Variants in CFAP91 observed in about 807,000 individuals in gnomAD.
The protein encoded by CFAP91 is cilia and flagella associated protein 91.
Under a neutral mutation model 95.9 loss-of-function variants are expected in CFAP91, and 85 were observed. That is an observed-to-expected ratio of 0.89 (90% CI 0.74 to 1.06). CFAP91 has a LOEUF of 1.06. Ranked by LOEUF, CFAP91 falls within the 50% of genes least tolerant of loss-of-function variation. The pLI, the probability that CFAP91 is intolerant of heterozygous loss-of-function variation, is 0.00. For missense variants in CFAP91, 962 were observed against 943.4 expected, an observed-to-expected ratio of 1.02 and a Z score of -0.26; for synonymous variants, 335 against 327.5, an observed-to-expected ratio of 1.02 and a Z score of -0.25.
At chr3:119,759,580 G>A (rs777612660) in intron 17 of CFAP91, among the ~76,000 whole-genome samples, 4 of 151,820 alleles carry the variant, frequency 2.6e-5, no homozygotes, top group Non-Finnish European at 5.9e-5. Context: ...GTAAGTACAC[G>A]GTCAAATTCA....
Position 119,726,170 on chromosome 3 carries a change from G to C in CFAP91, c.683-1G>C. ...CTAAGCTGTGCTGCTTTATCCTGCA[G>C]GTCGGGGTCTCCCAGCAGGACAAGC... On this transcript the variant is annotated splice_acceptor_variant, in intron 6 of 17. Transcript: ENST00000273390. LOFTEE classifies it high-confidence loss of function. 6.2e-7 allele frequency: 1 copy of C among 1,607,398 alleles called. No homozygotes were observed. Among genetic ancestry groups the C allele is most frequent in the Non-Finnish European group, 8.5e-7 (1 of 1,177,250 alleles).
chr3:119,715,714 A>ACCCT lies in CFAP91; in HGVS notation c.653_654insCCCT (p.Glu218AspfsTer21), dbSNP rs1234650698. On this transcript the variant is annotated frameshift_variant, in exon 6 of 18. Transcript: ENST00000273390. LOFTEE classifies it high-confidence loss of function. ...GTAGTATGTCAGGACTCAATCCCTG[A>ACCCT]GCTCTTGACCCTGGCTACGCTTACT... is the stretch of plus-strand genomic sequence containing the variant. 1 of 1,614,060 alleles carries ACCCT rather than the reference A, an allele frequency of 6.2e-7. No individual in the cohort carries two copies. Among genetic ancestry groups the ACCCT allele is most frequent in the East Asian group, 2.2e-5 (1 of 44,886 alleles).
At chr3:119,705,075 C>T (rs1006346795) in intron 1 of CFAP91, among the ~76,000 whole-genome samples, 5 of 152,228 alleles carry the variant, frequency 3.3e-5, no homozygotes, top group Admixed American at 3.3e-4. Context: ...TTAAGCAACA[C>T]ATCTCTATGC....
chr3:119,713,459 G>C (rs2053514087), intron 5 of CFAP91, among the ~76,000 whole-genome samples: 1 of 148,086 alleles, frequency 6.8e-6, no homozygotes, highest in Non-Finnish European at 1.5e-5. Flanking sequence ...TGTATTTGCT[G>C]TGCTCGTATA....
intron 17 of CFAP91, among the ~76,000 whole-genome samples, chr3:119,764,210 A>G (rs2107928806): frequency 6.6e-6 from 1 of 152,252 alleles, no homozygotes; most frequent in East Asian, 1.9e-4. Flanking sequence ...TCCAGTGTCT[A>G]CATATCAACT....
chr3:119,706,962 A>T, intron 2 of CFAP91, 77 bp downstream of exon 2: 1 of 1,096,974 alleles, frequency 9.1e-7, no homozygotes, highest in Non-Finnish European at 1.4e-6. Flanking sequence ...GATCAGATTG[A>T]CTAATCACCA....
At chr3:119,754,370 T>A (rs2054383411) in intron 17 of CFAP91, among the ~76,000 whole-genome samples, 1 of 152,162 alleles carries the variant, frequency 6.6e-6, no homozygotes, top group Non-Finnish European at 1.5e-5. Context: ...TGGCAAGAGA[T>A]GAATTGAAGA....
intron 17 of CFAP91, among the ~76,000 whole-genome samples, chr3:119,753,103 A>G (rs1299594236): frequency 1.3e-5 from 2 of 152,224 alleles, no homozygotes; most frequent in African/African-American, 4.8e-5. Flanking sequence ...AAAGTAGTGA[A>G]GAATTTCTGG....
intron 5 of CFAP91, chr3:119,710,320 A>C (rs1357665358): frequency 6.2e-6 from 1 of 160,080 alleles, no homozygotes; most frequent in Non-Finnish European, 1.4e-5. Flanking sequence ...TCCAATGGGC[A>C]GTCAGTGTCG....
intron 6 of CFAP91, among the ~76,000 whole-genome samples, chr3:119,717,112 G>A (rs1354173665): frequency 6.6e-6 from 1 of 152,256 alleles, no homozygotes; most frequent in Non-Finnish European, 1.5e-5. Flanking sequence ...GTGAGTAGGA[G>A]CTGTGCATGG....
intron 6 of CFAP91, among the ~76,000 whole-genome samples, chr3:119,721,801 A>G (rs2053689471): frequency 6.6e-6 from 1 of 152,248 alleles, no homozygotes. Flanking sequence ...AGAAAAATAA[A>G]TTATCAGAAC....
chr3:119,708,264 CAAAA>C (rs11346330), intron 3 of CFAP91, among the ~76,000 whole-genome samples: 2 of 111,848 alleles, frequency 1.8e-5, no homozygotes, highest in African/African-American at 3.3e-5. Context: ...GACTCTGTCT[CAAAA>C]AAAAAAAAAA....
chr3:119,715,506 A>G (rs1249468654), intron 5 of CFAP91, 56 bp from the exon 6 acceptor site: 3 of 1,385,132 alleles, frequency 2.2e-6, no homozygotes, highest in Non-Finnish European at 3.1e-6. Flanking sequence ...TTGATTATAT[A>G]ATATTTTAAG....
intron 1 of CFAP91, among the ~76,000 whole-genome samples, chr3:119,705,098 A>G (rs1009768536): frequency 2.0e-5 from 3 of 152,214 alleles, no homozygotes; most frequent in Non-Finnish European, 4.4e-5. Flanking sequence ...GCTTCCTTCC[A>G]TCTGACAGAA....
At chr3:119,747,375 T>C in intron 15 of CFAP91, 112 bp downstream of exon 15, 1 of 1,226,900 alleles carries the variant, frequency 8.2e-7, no homozygotes, top group Non-Finnish European at 1.1e-6. Context: ...TAACTCATAC[T>C]TCAGCGTCCA....
chr3:119,747,846 A>G lies in CFAP91; in HGVS notation c.2087A>G (p.Glu696Gly). 6.2e-7 allele frequency: 1 copy of G among 1,613,664 alleles called. No individual in the cohort carries two copies. Among genetic ancestry groups the G allele is most frequent in the Non-Finnish European group, 8.5e-7 (1 of 1,179,778 alleles). Reference protein sequence around the residue: ...TYLQSEEIVAELVYSFLIPEV... With the variant: ...TYLQSEEIVAGLVYSFLIPEV... ...CTTCAGTCAGAGGAGATTGTTGCTG[A>G]GTTGGTTTATAGTTTTCTGATCCCA... Residue 696 changes from glutamate to glycine, a missense_variant, in exon 16 of 18, where the codon GAG becomes GGG. Coordinates refer to ENST00000273390, the MANE Select transcript of CFAP91 (RefSeq NM_033364.4).
At chr3:119,750,701 G>T in intron 16 of CFAP91, 1 of 520,006 alleles carries the variant, frequency 1.9e-6, no homozygotes, top group Middle Eastern at 5.3e-4. Context: ...GTTTTAGAGT[G>T]CAGGCATTCC....
At chr3:119,762,444 C>T (rs1302820069) in intron 17 of CFAP91, among the ~76,000 whole-genome samples, 1 of 152,004 alleles carries the variant, frequency 6.6e-6, no homozygotes, top group African/African-American at 2.4e-5. Context: ...CAATCTCTAT[C>T]AAAATTCCAA....
At chr3:119,729,568 C>T (rs1177027543) in intron 7 of CFAP91, among the ~76,000 whole-genome samples, 6 of 151,342 alleles carry the variant, frequency 4.0e-5, no homozygotes, top group Non-Finnish European at 7.4e-5. Context: ...TGCTTGAACC[C>T]GGGAGGCAGA....
Sources: allele counts gnomAD v4.1 joint callset (sites outside exome capture counted in the v4.1 genomes callset), GRCh38; gene constraint gnomAD v4.1.1; transcripts MANE v1.5; gene names NCBI Gene and HGNC (gene_info 2026-07-23, HGNC 2026-07-21).